BLTP1: variants seen among roughly 807,000 people sequenced by gnomAD.
BLTP1 encodes fragile site-associated protein.
the BLTP1 span, among the ~76,000 whole-genome samples, chr4:122,319,867 A>G: frequency 6.6e-6 from 1 of 151,708 alleles, no homozygotes; most frequent in Admixed American, 6.6e-5. Context: ...AAATGTGTTA[A>G]GTTATGCTTT....
the BLTP1 span, chr4:122,200,922 C>T: frequency 1.3e-6 from 2 of 1,520,882 alleles, no homozygotes; most frequent in Non-Finnish European, 8.8e-7. Flanking sequence ...TAATTACTCA[C>T]TAGCGTGTGT....
the BLTP1 span, chr4:122,172,279 T>C: frequency 5.6e-6 from 4 of 710,350 alleles, no homozygotes; most frequent in Non-Finnish European, 6.9e-6. Context: ...TGCTTTTCTA[T>C]AACTTTCTCA....
At chr4:122,173,169 A>T in the BLTP1 span, 1 of 1,600,352 alleles carries the variant, frequency 6.2e-7, no homozygotes, top group Admixed American at 1.8e-5. Context: ...TTGAGTTAAC[A>T]CTGAATTTTT....
At chr4:122,286,025 C>T in the BLTP1 span, among the ~76,000 whole-genome samples, 1 of 152,048 alleles carries the variant, frequency 6.6e-6, no homozygotes, top group South Asian at 2.1e-4. Context: ...TTATGAAGGT[C>T]AAAGAGACAT....
the BLTP1 span, chr4:122,328,460 T>G: frequency 9.5e-7 from 1 of 1,053,700 alleles, no homozygotes. Context: ...ATTTTTAATG[T>G]GCCTCGCTTG....
the BLTP1 span, chr4:122,348,864 G>T: frequency 1.7e-6 from 1 of 600,228 alleles, no homozygotes; most frequent in Non-Finnish European, 2.8e-6. Context: ...TCCTGAAAAT[G>T]GCTTAATTCT....
chr4:122,154,852 A>G, the BLTP1 span: 98,700 of 421,060 alleles, frequency 0.23, 12,870 homozygotes, highest in Non-Finnish European at 0.27. Context: ...AGCCTGGGCG[A>G]CAGAGCGAGA....
chr4:122,224,683 G>A, the BLTP1 span: 1 of 1,613,988 alleles, frequency 6.2e-7, no homozygotes, highest in Non-Finnish European at 8.5e-7. Context: ...CACAGGTATG[G>A]TTTTCAGAGT....
chr4:122,360,024 A>G, the BLTP1 span: 14 of 985,242 alleles, frequency 1.4e-5, no homozygotes, highest in Non-Finnish European at 1.7e-5. Context: ...CTTCTCACCA[A>G]GATGTTATTT....
the BLTP1 span, chr4:122,248,940 GAA>G: frequency 3.9e-6 from 1 of 256,224 alleles, no homozygotes; most frequent in Non-Finnish European, 6.1e-6. Flanking sequence ...ATCAGAGAGA[GAA>G]ATGAAAAAAG....
chr4:122,246,780 A>C, the BLTP1 span: 1 of 1,613,110 alleles, frequency 6.2e-7, no homozygotes, highest in Non-Finnish European at 8.5e-7. Context: ...TTGTGTTTTG[A>C]CAGAATTGCT....
chr4:122,161,572 A>T, the BLTP1 span, among the ~76,000 whole-genome samples: 1 of 151,902 alleles, frequency 6.6e-6, no homozygotes. Flanking sequence ...ATGGAACTAC[A>T]GGTGCTTGCC....
At chr4:122,268,690 T>C in the BLTP1 span, among the ~76,000 whole-genome samples, 108 of 152,338 alleles carry the variant, frequency 7.1e-4, 1 homozygote, top group Admixed American at 3.1e-3. Context: ...TTTTCATCTT[T>C]GTTGTCCAAT....
the BLTP1 span, chr4:122,299,871 TG>T: frequency 2.0e-6 from 2 of 984,800 alleles, no homozygotes; most frequent in African/African-American, 3.5e-5. Context: ...GAAAAGAAAA[TG>T]TAATCTGTAT....
the BLTP1 span, chr4:122,210,033 A>G: frequency 7.0e-7 from 1 of 1,425,500 alleles, no homozygotes; most frequent in South Asian, 1.4e-5. Context: ...GTGACATAGT[A>G]TAAATATAGT....
At chr4:122,331,407 TA>T in the BLTP1 span, 1 of 1,612,124 alleles carries the variant, frequency 6.2e-7, no homozygotes, top group Non-Finnish European at 8.5e-7. Flanking sequence ...CACCAGTCAA[TA>T]GAAGTCTTAG....
At chr4:122,315,519 A>C in the BLTP1 span, 1 of 1,614,154 alleles carries the variant, frequency 6.2e-7, no homozygotes, top group Admixed American at 1.7e-5. Flanking sequence ...TGTGGGATTG[A>C]TGTTCACATG....
At chr4:122,208,057 C>T in the BLTP1 span, 3 of 985,194 alleles carry the variant, frequency 3.0e-6, no homozygotes, top group Non-Finnish European at 3.6e-6. Flanking sequence ...CTTCTAAGCT[C>T]AAAATTTTAT....
the BLTP1 span, chr4:122,346,745 A>G: frequency 6.2e-7 from 1 of 1,609,694 alleles, no homozygotes; most frequent in Non-Finnish European, 8.5e-7. Context: ...TGGAGACCAA[A>G]CTATAAATTT....
Sources: gnomAD v4.1 joint callset for allele counts (sites outside exome capture counted in the v4.1 genomes callset) on GRCh38, gnomAD v4.1.1 for gene constraint, MANE v1.5 for transcripts, NCBI Gene and HGNC (gene_info 2026-07-23, HGNC 2026-07-21) for gene names.